The following CRTAC1 variants were observed in gnomAD, a reference collection of about 807,000 sequenced individuals.
The protein encoded by CRTAC1 is cartilage acidic protein 1.
CRTAC1 carries 37 observed loss-of-function variants against 67.8 expected under a neutral mutation model. That is an observed-to-expected ratio of 0.55 (90% CI 0.42 to 0.72). The LOEUF is 0.72. CRTAC1 is among the 30% of genes least tolerant of loss of function. The probability of loss-of-function intolerance (pLI) is 0.00; values close to 1 mark genes in which losing one functional copy is unlikely to be tolerated. For missense variants in CRTAC1, 780 were observed against 931.6 expected, an observed-to-expected ratio of 0.84 and a Z score of 2.12; for synonymous variants, 348 against 371.0, an observed-to-expected ratio of 0.94 and a Z score of 0.71.
At chr10:97,894,218 T>C (rs1261285641) in intron 11 of CRTAC1, among the ~76,000 whole-genome samples, 1 of 152,190 alleles carries the variant, frequency 6.6e-6, no homozygotes, top group East Asian at 1.9e-4. Flanking sequence ...CATTTTACAT[T>C]TCCACCAGTG....
intron 3 of CRTAC1, among the ~76,000 whole-genome samples, chr10:97,935,172 C>T (rs189716316): frequency 2.0e-5 from 3 of 152,182 alleles, no homozygotes; most frequent in African/African-American, 7.2e-5. Flanking sequence ...CTGGGACTTA[C>T]AAGCTGCATG....
intron 2 of CRTAC1, among the ~76,000 whole-genome samples, chr10:98,001,541 T>G (rs1326384870): frequency 6.7e-6 from 1 of 149,330 alleles, no homozygotes; most frequent in Non-Finnish European, 1.5e-5. Context: ...TTTAGAGATA[T>G]TAAAATGTAA....
intron 14 of CRTAC1, chr10:97,879,932 T>A (rs1239431675): frequency 3.6e-6 from 3 of 835,270 alleles, no homozygotes; most frequent in Non-Finnish European, 5.6e-6. Flanking sequence ...AGATGAGTAG[T>A]AGGAGTTAGT....
chr10:97,960,731 T>G (rs1455170312), intron 2 of CRTAC1, among the ~76,000 whole-genome samples: 1 of 152,246 alleles, frequency 6.6e-6, no homozygotes, highest in African/African-American at 2.4e-5. Flanking sequence ...ATCATCTGGC[T>G]TATGGGTCAA....
rs566889118 is a variant in CRTAC1, at chr10:97,932,233, A to G, written c.421+3937T>C. Among the ~76,000 whole-genome samples, 122 of 152,274 alleles carry G rather than the reference A, an allele frequency of 8.0e-4. 1 individual carries two copies. Among genetic ancestry groups the G allele is most frequent in the African/African-American group, 2.8e-3 (116 of 41,552 alleles). Reference sequence around the variant, plus strand: ...GTGGACCTCTGCCCACGACACTTTGAGAGGCTCTGGCTTTCTTCAGAGCCA... The same window carrying G: ...GTGGACCTCTGCCCACGACACTTTGGGAGGCTCTGGCTTTCTTCAGAGCCA... On this transcript the variant is annotated intron_variant, in intron 3 of 14. Coordinates refer to ENST00000370597, the MANE Select transcript of CRTAC1 (RefSeq NM_018058.7).
At chr10:97,959,181 C>G (rs1252490510) in intron 2 of CRTAC1, among the ~76,000 whole-genome samples, 4 of 152,098 alleles carry the variant, frequency 2.6e-5, no homozygotes, top group African/African-American at 9.7e-5. Flanking sequence ...CATGACCACC[C>G]CTAGACTCAA....
At chr10:98,018,735 C>T (rs958010178) in intron 1 of CRTAC1, among the ~76,000 whole-genome samples, 4 of 152,248 alleles carry the variant, frequency 2.6e-5, no homozygotes, top group South Asian at 2.1e-4. Context: ...ATATTTCCGA[C>T]GTTGGCGACA....
intron 2 of CRTAC1, among the ~76,000 whole-genome samples, chr10:97,953,487 C>T (rs1314718071): frequency 1.3e-5 from 2 of 152,128 alleles, no homozygotes; most frequent in African/African-American, 4.8e-5. Flanking sequence ...CAATGGAGGT[C>T]CCTTAGAGGA....
At chr10:97,953,833 A>G (rs904031602) in intron 2 of CRTAC1, among the ~76,000 whole-genome samples, 1 of 152,190 alleles carries the variant, frequency 6.6e-6, no homozygotes, top group East Asian at 1.9e-4. Flanking sequence ...GAGCAAACAT[A>G]TTATTTCAAC....
chr10:98,030,504 G>C lies in CRTAC1; in HGVS notation c.-32C>G. 8.1e-7 allele frequency: 1 copy of C among 1,242,206 alleles called. No individual in the cohort carries two copies. The highest frequency in any genetic ancestry group is 3.2e-5 in the East Asian group (1 of 31,574). The allele number at this position is 1,242,206 out of a possible 1,614,324, so 76.9% of individuals were successfully genotyped here. A position where few individuals can be genotyped will look rare whatever the true frequency, so the allele number is the denominator to read the frequency against. On this transcript the variant is annotated 5_prime_UTR_variant, in exon 1 of 15. Transcript: ENST00000370597. This position sits in a 1 kb window ranked among gnomAD's most constrained non-coding sequence, Gnocchi z 4.2. ...GCTCTCGGCCCCGCCGCCTAGGGGC[G>C]TGGGAAGCGGGCGCTCGCTGCCGCC...
At chr10:98,013,086 G>T (rs117700517) in intron 1 of CRTAC1, among the ~76,000 whole-genome samples, 1 of 152,288 alleles carries the variant, frequency 6.6e-6, no homozygotes, top group Non-Finnish European at 1.5e-5. Flanking sequence ...TCGACATGCC[G>T]AAATGTAGCA....
chr10:97,974,990 G>A (rs1229931153), intron 2 of CRTAC1, among the ~76,000 whole-genome samples: 2 of 152,008 alleles, frequency 1.3e-5, no homozygotes, highest in Non-Finnish European at 2.9e-5. Flanking sequence ...AGTGGGGGAG[G>A]AGGAGACCGG....
At chr10:98,005,933 A>C (rs1055648273) in intron 2 of CRTAC1, among the ~76,000 whole-genome samples, 7 of 152,246 alleles carry the variant, frequency 4.6e-5, no homozygotes, top group Non-Finnish European at 8.8e-5. Flanking sequence ...ACTGCTTTAC[A>C]GTATATAGCA....
intron 2 of CRTAC1, among the ~76,000 whole-genome samples, chr10:97,994,640 A>T (rs1842521823): frequency 6.6e-6 from 1 of 152,166 alleles, no homozygotes; most frequent in Admixed American, 6.5e-5. Context: ...GGGGGAGAGA[A>T]CAAGTGGTAG....
intron 14 of CRTAC1, among the ~76,000 whole-genome samples, chr10:97,876,485 T>C (rs532977611): frequency 1.3e-5 from 2 of 152,298 alleles, no homozygotes; most frequent in South Asian, 2.1e-4. Context: ...TTCTTTTTTG[T>C]TGAAAAATGG....
At chr10:97,887,362 C>T (rs1291510580) in intron 11 of CRTAC1, among the ~76,000 whole-genome samples, 1 of 151,868 alleles carries the variant, frequency 6.6e-6, no homozygotes, top group East Asian at 1.9e-4. Flanking sequence ...CTGCCTAAAG[C>T]TTTCCCGAGT....
chr10:97,969,890 A>G (rs1234495617), intron 2 of CRTAC1, among the ~76,000 whole-genome samples: 1 of 152,048 alleles, frequency 6.6e-6, no homozygotes, highest in Non-Finnish European at 1.5e-5. Context: ...TTTAAATACC[A>G]TCTACCCGCT....
chr10:97,906,563 C>T (rs781041798), intron 6 of CRTAC1, among the ~76,000 whole-genome samples: 1 of 152,180 alleles, frequency 6.6e-6, no homozygotes, highest in East Asian at 1.9e-4. Context: ...CTCTTTAACA[C>T]CTTATCAAAT....
At chr10:98,027,564 G>A (rs1205972470) in intron 1 of CRTAC1, among the ~76,000 whole-genome samples, 1 of 152,148 alleles carries the variant, frequency 6.6e-6, no homozygotes, top group African/African-American at 2.4e-5. Context: ...ACTCCTAAAT[G>A]CACAGACTGA....
Sources: allele counts gnomAD v4.1 joint callset (sites outside exome capture counted in the v4.1 genomes callset), GRCh38; gene constraint gnomAD v4.1.1; non-coding constraint Gnocchi (gnomAD v3.1); transcripts MANE v1.5; gene names NCBI Gene and HGNC (gene_info 2026-07-23, HGNC 2026-07-21).